SYCP2L: variants seen among roughly 807,000 people sequenced by gnomAD.
The protein encoded by SYCP2L is synaptonemal complex protein 2 like, also known as synaptonemal complex protein 2-like.
Under a neutral mutation model 125.8 loss-of-function variants are expected in SYCP2L, and 98 were observed. The ratio of observed to expected loss-of-function variants is 0.78; its 90% CI spans 0.66 to 0.92. The LOEUF (loss-of-function observed/expected upper bound fraction) is 0.92, where lower values mean the gene tolerates loss of function less well. Ranked by LOEUF, SYCP2L falls within the 40% of genes least tolerant of loss-of-function variation. The pLI, the probability that SYCP2L is intolerant of heterozygous loss-of-function variation, is 0.00. For missense variants in SYCP2L, 842 were observed against 936.4 expected, an observed-to-expected ratio of 0.90 and a Z score of 1.32; for synonymous variants, 317 against 325.4, an observed-to-expected ratio of 0.97 and a Z score of 0.28.
At chr6:10,909,290 G>A (rs559730584) in intron 10 of SYCP2L, among the ~76,000 whole-genome samples, 6 of 151,828 alleles carry the variant, frequency 4.0e-5, no homozygotes, top group African/African-American at 9.7e-5. Flanking sequence ...CACCACTCCC[G>A]GCTAATTTTG....
intron 1 of SYCP2L, 73 bp from the exon 2 acceptor site, chr6:10,891,434 TTTTTGC>T: frequency 8.0e-6 from 7 of 879,518 alleles, no homozygotes; most frequent in East Asian, 6.4e-5. Context: ...TTTTTTTTTT[TTTTTGC>T]TTTGTGTTTA....
intron 29 of SYCP2L, among the ~76,000 whole-genome samples, chr6:10,965,963 A>G (rs9468123): frequency 0.06 from 9,059 of 152,158 alleles, 885 homozygotes; most frequent in African/African-American, 0.2. Flanking sequence ...AAATACAAAA[A>G]TTAGCCAGGT....
At chr6:10,905,737 A>G (rs1338391542) in intron 8 of SYCP2L, among the ~76,000 whole-genome samples, 1 of 152,204 alleles carries the variant, frequency 6.6e-6, no homozygotes, top group Non-Finnish European at 1.5e-5. Flanking sequence ...AATCTGATGA[A>G]CCCTTAGAGA....
At chr6:10,905,400 C>A (rs1392662534) in intron 8 of SYCP2L, among the ~76,000 whole-genome samples, 1 of 151,812 alleles carries the variant, frequency 6.6e-6, no homozygotes, top group Non-Finnish European at 1.5e-5. Context: ...TCAAGAGATT[C>A]TCCTGCCTCA....
chr6:10,919,957 C>T (rs1780764144), intron 14 of SYCP2L, among the ~76,000 whole-genome samples: 1 of 152,116 alleles, frequency 6.6e-6, no homozygotes, highest in Non-Finnish European at 1.5e-5. Flanking sequence ...AGTCTGTTTG[C>T]AGGCAATGGG....
At chr6:10,955,058 C>G (rs1349271782) in intron 23 of SYCP2L, 58 bp from the exon 24 acceptor site, 4 of 1,280,704 alleles carry the variant, frequency 3.1e-6, no homozygotes, top group Non-Finnish European at 4.5e-6. Context: ...ACATTAACTG[C>G]CAAAAAATGA....
chr6:10,923,997 C>G (rs1301553976), intron 14 of SYCP2L, among the ~76,000 whole-genome samples: 4 of 152,170 alleles, frequency 2.6e-5, no homozygotes, highest in Non-Finnish European at 5.9e-5. Flanking sequence ...AGAATTTTTT[C>G]TAAGGTGTTT....
At chr6:10,933,083 G>A (rs1009303253) in intron 20 of SYCP2L, among the ~76,000 whole-genome samples, 21 of 152,178 alleles carry the variant, frequency 1.4e-4, no homozygotes, top group Non-Finnish European at 2.4e-4. Context: ...AATTTAAGCT[G>A]TGCCTCTGGC....
chr6:10,920,991 C>T (rs1780790633), intron 14 of SYCP2L, among the ~76,000 whole-genome samples: 1 of 152,190 alleles, frequency 6.6e-6, no homozygotes. Flanking sequence ...CATCCCATCA[C>T]CTAAGTGTTA....
Position 10,891,607 on chromosome 6 carries a change from CT to C in SYCP2L, c.78+27del. The C allele has an allele frequency of 6.6e-6, 3 of 452,946 alleles. 1 individual carries two copies. The highest frequency in any genetic ancestry group is 3.9e-5 in the East Asian group (1 of 25,720). The allele number at this position is 452,946 out of a possible 1,614,324, so 28.1% of individuals were successfully genotyped here. ...GTAAAGATCAAGTTTCTTTTATAAT[CT>C]CTCTCTGTGTGTGTGTGTGTGTGTG... On this transcript the variant is annotated intron_variant, in intron 2 of 29. Coordinates refer to ENST00000283141, the MANE Select transcript of SYCP2L (RefSeq NM_001040274.3).
At position 10,931,490 on chromosome 6, in the gene SYCP2L, G is replaced by A. The variant is rs1581831831; in HGVS notation, c.1683+1G>A. 1 of 1,614,042 alleles carries A rather than the reference G, an allele frequency of 6.2e-7. No individual in the cohort carries two copies. Among genetic ancestry groups the A allele is most frequent in the Non-Finnish European group, 8.5e-7 (1 of 1,179,906 alleles). On this transcript the variant is annotated splice_donor_variant, in intron 20 of 29. Transcript: ENST00000283141. LOFTEE classifies it high-confidence loss of function. ...TGGCAGTGGCCATGAGAAAGACCAA[G>A]TAAGTACATTGTATCTGGGTTGCTG... is the stretch of plus-strand genomic sequence containing the variant.
chr6:10,905,649 A>G (rs1780476834), intron 8 of SYCP2L, among the ~76,000 whole-genome samples: 2 of 152,190 alleles, frequency 1.3e-5, no homozygotes, highest in African/African-American at 4.8e-5. Context: ...CTGTCGTATC[A>G]TTTCCTGCAA....
chr6:10,971,413 G>A (rs112243845), intron 29 of SYCP2L, among the ~76,000 whole-genome samples: 8,414 of 148,214 alleles, frequency 0.057, 794 homozygotes, highest in African/African-American at 0.2. Flanking sequence ...AGCCGAGATC[G>A]TGCCACTGCA....
intron 8 of SYCP2L, among the ~76,000 whole-genome samples, chr6:10,905,475 A>G (rs1780472603): frequency 6.6e-6 from 1 of 152,046 alleles, no homozygotes. Context: ...TGTTTTTAGT[A>G]GAGATGGGGT....
At chr6:10,936,163 G>A (rs985565731) in intron 21 of SYCP2L, among the ~76,000 whole-genome samples, 7 of 151,524 alleles carry the variant, frequency 4.6e-5, no homozygotes, top group South Asian at 2.1e-4. Flanking sequence ...AAGAAAATAA[G>A]TAGGGAAAAT....
At chr6:10,941,307 C>G (rs1430138591) in intron 21 of SYCP2L, among the ~76,000 whole-genome samples, 3 of 152,274 alleles carry the variant, frequency 2.0e-5, no homozygotes, top group Admixed American at 2.0e-4. Context: ...CAAATGGGAT[C>G]TAATTAAACT....
intron 21 of SYCP2L, among the ~76,000 whole-genome samples, chr6:10,940,375 C>G (rs1186794200): frequency 6.6e-6 from 1 of 152,182 alleles, no homozygotes; most frequent in African/African-American, 2.4e-5. Context: ...GAGATCTGCA[C>G]TCCCATGTTT....
At chr6:10,936,033 A>G (rs933936056) in intron 21 of SYCP2L, among the ~76,000 whole-genome samples, 1 of 145,328 alleles carries the variant, frequency 6.9e-6, no homozygotes, top group African/African-American at 2.5e-5. Context: ...TAATAATATG[A>G]TTTTATTATT....
chr6:10,940,517 G>T (rs1458075801), intron 21 of SYCP2L, among the ~76,000 whole-genome samples: 2 of 152,088 alleles, frequency 1.3e-5, no homozygotes, highest in African/African-American at 2.4e-5. Flanking sequence ...AGGAAATCAG[G>T]CCATATGCAA....
Sources: gnomAD v4.1 joint callset for allele counts (sites outside exome capture counted in the v4.1 genomes callset) on GRCh38, gnomAD v4.1.1 for gene constraint, MANE v1.5 for transcripts, NCBI Gene and HGNC (gene_info 2026-07-23, HGNC 2026-07-21) for gene names.